Variants in ITPR2 observed in about 807,000 individuals in gnomAD.
ITPR2 encodes inositol 1,4,5-trisphosphate receptor type 2, also known as inositol 1,4,5-trisphosphate-gated calcium channel ITPR2.
A neutral mutation model predicts 317.1 loss-of-function variants in ITPR2; 207 were observed. That is an observed-to-expected ratio of 0.65 (90% CI 0.58 to 0.73). The LOEUF is 0.73. Ranked by LOEUF, ITPR2 falls within the 30% of genes least tolerant of loss-of-function variation. The pLI is 0.00. For missense variants in ITPR2, 2,613 were observed against 3,284.0 expected (o/e 0.80, Z 4.99); for synonymous variants, 1,156 against 1,149.1 (o/e 1.01, Z -0.12).
At chr12:26,554,202 C>T (rs1002582228) in intron 36 of ITPR2, among the ~76,000 whole-genome samples, 3 of 152,198 alleles carry the variant, frequency 2.0e-5, no homozygotes, top group African/African-American at 7.2e-5. Context: ...TCTAACAGAA[C>T]TCTCTGCAAA....
chr12:26,578,408 C>T (rs1242599080), intron 34 of ITPR2, among the ~76,000 whole-genome samples: 1 of 152,064 alleles, frequency 6.6e-6, no homozygotes, highest in Non-Finnish European at 1.5e-5. Flanking sequence ...ACTTAATAGA[C>T]AAGACAATTC....
chr12:26,628,214 A>T (rs1263463075), intron 22 of ITPR2, 52 bp from the exon 23 acceptor site: 1 of 1,441,254 alleles, frequency 6.9e-7, no homozygotes, highest in East Asian at 2.3e-5. Flanking sequence ...CATAGTATTT[A>T]AAAATGCAAT....
intron 5 of ITPR2, among the ~76,000 whole-genome samples, chr12:26,718,723 C>T (rs1430631341): frequency 6.6e-6 from 1 of 151,984 alleles, no homozygotes; most frequent in East Asian, 1.9e-4. Context: ...GATTCTCTTG[C>T]CTCAGCCTCC....
At chr12:26,647,454 G>A (rs1947137767) in intron 21 of ITPR2, among the ~76,000 whole-genome samples, 1 of 152,238 alleles carries the variant, frequency 6.6e-6, no homozygotes, top group Non-Finnish European at 1.5e-5. Flanking sequence ...AGTAGAAATA[G>A]AAAGCTTTGG....
intron 55 of ITPR2, among the ~76,000 whole-genome samples, chr12:26,378,613 C>T (rs1182617013): frequency 6.6e-6 from 1 of 152,184 alleles, no homozygotes; most frequent in East Asian, 1.9e-4. Context: ...TTTGCACAGT[C>T]ATTTCTGGTG....
intron 54 of ITPR2, among the ~76,000 whole-genome samples, chr12:26,393,717 G>A (rs1428800099): frequency 1.1e-4 from 16 of 152,112 alleles, no homozygotes; most frequent in Non-Finnish European, 2.4e-4. Context: ...GAAGCTTCTA[G>A]AAAACAGACA....
chr12:26,414,432 T>C (rs777067928), intron 51 of ITPR2, among the ~76,000 whole-genome samples: 31 of 152,122 alleles, frequency 2.0e-4, no homozygotes, highest in Non-Finnish European at 3.5e-4. Flanking sequence ...ATTTAACGGT[T>C]TGAGGAGAAA....
At chr12:26,663,342 T>C (rs1176012366) in intron 15 of ITPR2, among the ~76,000 whole-genome samples, 1 of 152,208 alleles carries the variant, frequency 6.6e-6, no homozygotes, top group Non-Finnish European at 1.5e-5. Context: ...CTTTGGTCCA[T>C]ACACGGTGAT....
chr12:26,581,869 C>A (rs1945412295), intron 32 of ITPR2, among the ~76,000 whole-genome samples: 1 of 152,092 alleles, frequency 6.6e-6, no homozygotes, highest in Non-Finnish European at 1.5e-5. Context: ...AAACAAACGA[C>A]CTCCCTCATT....
chr12:26,796,738 G>T (rs922331786), intron 1 of ITPR2, among the ~76,000 whole-genome samples: 5 of 152,122 alleles, frequency 3.3e-5, no homozygotes, highest in African/African-American at 1.2e-4. Context: ...GGATAAAGAA[G>T]TTATGACTAG....
chr12:26,386,542 A>C (rs1418745444), intron 55 of ITPR2, among the ~76,000 whole-genome samples: 1 of 152,146 alleles, frequency 6.6e-6, no homozygotes, highest in Non-Finnish European at 1.5e-5. Context: ...GTTTGCTGAC[A>C]TTTCAGCATT....
intron 41 of ITPR2, among the ~76,000 whole-genome samples, chr12:26,484,468 T>C (rs936413057): frequency 6.6e-6 from 1 of 152,158 alleles, no homozygotes; most frequent in African/African-American, 2.4e-5. Context: ...TTTCTAGATA[T>C]ATGTACATAA....
chr12:26,462,098 C>T (rs1942048193), intron 45 of ITPR2, among the ~76,000 whole-genome samples: 2 of 151,960 alleles, frequency 1.3e-5, no homozygotes, highest in African/African-American at 4.8e-5. Context: ...AATCTCATCA[C>T]ATAATAATGA....
At chr12:26,583,202 T>C (rs1167538153) in intron 32 of ITPR2, among the ~76,000 whole-genome samples, 1 of 152,210 alleles carries the variant, frequency 6.6e-6, no homozygotes, top group Non-Finnish European at 1.5e-5. Flanking sequence ...ATCAATTTAA[T>C]TATACCTAAA....
At chr12:26,533,348 C>G (rs1943995294) in intron 37 of ITPR2, among the ~76,000 whole-genome samples, 1 of 152,034 alleles carries the variant, frequency 6.6e-6, no homozygotes, top group Non-Finnish European at 1.5e-5. Flanking sequence ...GGGTTTAAAC[C>G]AACTTAAACA....
At chr12:26,816,146 C>T (rs1950848648) in intron 1 of ITPR2, among the ~76,000 whole-genome samples, 1 of 138,372 alleles carries the variant, frequency 7.2e-6, no homozygotes, top group African/African-American at 2.6e-5. Context: ...AAACATAATA[C>T]AGCAGAACTT....
Position 26,621,294 on chromosome 12 carries a change from C to T in ITPR2, c.3291G>A (p.Val1097=). Residue 1097 remains valine, a splice_region_variant and synonymous_variant, in exon 26 of 57, where the codon GTG becomes GTA. Coordinates refer to ENST00000381340, the MANE Select transcript of ITPR2 (RefSeq NM_002223.4). The part of the protein sequence containing the change: ...RAEVLQAFKQ[V]QLLVSNQDVD... ...CGTCTTGATTAGACACCAGTAATTG[C>T]ACCTAAAACAGAAGAATTTCAATCT... is the stretch of plus-strand genomic sequence containing the variant. 1.9e-6 allele frequency: 3 copies of T among 1,597,716 alleles called. No homozygotes were observed. Among genetic ancestry groups the T allele is most frequent in the Admixed American group, 3.5e-5 (2 of 56,882 alleles).
chr12:26,718,536 T>G (rs147200443), intron 5 of ITPR2, among the ~76,000 whole-genome samples: 111 of 149,154 alleles, frequency 7.4e-4, no homozygotes, highest in African/African-American at 2.7e-3. Flanking sequence ...AATATATATA[T>G]AGACTTAAAT....
At chr12:26,385,216 T>C (rs73301065) in intron 55 of ITPR2, among the ~76,000 whole-genome samples, 11,741 of 152,250 alleles carry the variant, frequency 0.077, 567 homozygotes, top group African/African-American at 0.12. Context: ...AGGCTCAAGC[T>C]GTTGCCCCAA....
Sources: gnomAD v4.1 joint callset for allele counts (sites outside exome capture counted in the v4.1 genomes callset) on GRCh38, gnomAD v4.1.1 for gene constraint, MANE v1.5 for transcripts, NCBI Gene and HGNC (gene_info 2026-07-23, HGNC 2026-07-21) for gene names.